MFSD2B: variants seen among roughly 807,000 people sequenced by gnomAD.
MFSD2B encodes MFSD2 lysolipid transporter B, sphingolipid.
Under a neutral mutation model 58.4 loss-of-function variants are expected in MFSD2B, and 56 were observed. The ratio of observed to expected loss-of-function variants is 0.96; its 90% CI spans 0.77 to 1.20. The LOEUF is 1.20. Ranked by LOEUF, MFSD2B falls within the 50% of genes most tolerant of loss-of-function variation. The pLI, the probability that MFSD2B is intolerant of heterozygous loss-of-function variation, is 0.00. For missense variants in MFSD2B, 645 were observed against 667.6 expected (o/e 0.97, Z 0.37); for synonymous variants, 287 against 294.4 (o/e 0.97, Z 0.26).
At chr2:24,014,051 C>T (rs1392171137) in intron 2 of MFSD2B, among the ~76,000 whole-genome samples, 3 of 150,900 alleles carry the variant, frequency 2.0e-5, no homozygotes, top group Non-Finnish European at 3.0e-5. Context: ...CTCGCTCTGT[C>T]ACCCAGGCTG....
chr2:24,012,166 ACACACACACAC>A lies in MFSD2B; in HGVS notation c.97-1118_97-1108del, dbSNP rs1558318730. Reference sequence around the variant, plus strand: ...AAACAAACAAAACACACACACACACACACACACACACACAAAAACAGACAAAAAAACCCTGC... The same window carrying A: ...AAACAAACAAAACACACACACACACAACAAAAACAGACAAAAAAACCCTGC... On this transcript the variant is annotated intron_variant, in intron 1 of 13. Coordinates refer to ENST00000338315, the MANE Select transcript of MFSD2B (RefSeq NM_001346880.2). The surrounding 1 kb of genome is among the most constrained non-coding windows in gnomAD (Gnocchi z 4.5). 4.2e-5 allele frequency among the ~76,000 whole-genome samples: 3 copies of A among 71,132 alleles called. No individual in the cohort carries two copies. The highest frequency in any genetic ancestry group is 1.1e-4 in the African/African-American group (3 of 28,268). 46.7% of individuals were successfully genotyped at this position (71,132 alleles called of 152,430 possible).
chr2:24,019,942 C>T (rs115165955), intron 6 of MFSD2B, among the ~76,000 whole-genome samples: 1,803 of 152,348 alleles, frequency 0.012, 21 homozygotes, highest in Non-Finnish European at 0.019. Flanking sequence ...CCTGCACTCA[C>T]ATCTGCGCCC....
chr2:24,025,039 C>T (rs1662929433), intron 13 of MFSD2B, among the ~76,000 whole-genome samples: 1 of 152,236 alleles, frequency 6.6e-6, no homozygotes, highest in African/African-American at 2.4e-5. Flanking sequence ...TGCAGCATCA[C>T]CACGTCTGGT....
At position 24,026,569 on chromosome 2, in the gene MFSD2B, T is replaced by C. The variant is rs1662984454; in HGVS notation, c.*1113T>C. 6.6e-6 allele frequency: 1 copy of C among 152,190 alleles called. No individual in the cohort carries two copies. The highest frequency in any genetic ancestry group is 2.4e-5 in the African/African-American group (1 of 41,446). 9.4% of individuals were successfully genotyped at this position (152,190 alleles called of 1,614,324 possible). A position where few individuals can be genotyped will look rare whatever the true frequency, so the allele number is the denominator to read the frequency against. ...AGCTCATCATCAATGATTTAATCAATTGTGCCCATGTAATGGAGCCTCCAC... is the reference window on the plus strand; with the variant it reads ...AGCTCATCATCAATGATTTAATCAACTGTGCCCATGTAATGGAGCCTCCAC... On this transcript the variant is annotated 3_prime_UTR_variant, in exon 14 of 14. Coordinates refer to ENST00000338315, the MANE Select transcript of MFSD2B (RefSeq NM_001346880.2).
At chr2:24,010,251 G>A (rs926555793) in intron 1 of MFSD2B, 59 bp downstream of exon 1, 15 of 1,239,944 alleles carry the variant, frequency 1.2e-5, no homozygotes, top group Non-Finnish European at 1.4e-5. Context: ...CCAGGGCGTC[G>A]CCTCGCAGCC....
chr2:24,011,739 GATAA>G (rs1294457080), intron 1 of MFSD2B, among the ~76,000 whole-genome samples: 1 of 152,210 alleles, frequency 6.6e-6, no homozygotes, highest in Non-Finnish European at 1.5e-5. Context: ...GAAACACCAT[GATAA>G]ATAAAAGGTG....
At position 24,026,161 on chromosome 2, in the gene MFSD2B, G is replaced by A. The variant is rs989222118; in HGVS notation, c.*705G>A. ...AGTAACAGGAAATTCACATTATGCT[G>A]TACTCATTCTCTAATATCACAGCCA... On this transcript the variant is annotated 3_prime_UTR_variant, in exon 14 of 14. Transcript: ENST00000338315. 6.6e-6 allele frequency: 1 copy of A among 152,284 alleles called. No homozygotes were observed. The highest frequency in any genetic ancestry group is 1.5e-5 in the Non-Finnish European group (1 of 68,146). 9.4% of individuals were successfully genotyped at this position (152,284 alleles called of 1,614,324 possible).
rs1662757461 is a variant in MFSD2B, at chr2:24,020,943, C to G, written c.682-705C>G. On this transcript the variant is annotated intron_variant, in intron 6 of 13. Transcript: ENST00000338315. This position sits in a 1 kb window ranked among gnomAD's most constrained non-coding sequence, Gnocchi z 4.1. Reference sequence around the variant, plus strand: ...TGAGAGTCTCGCTCTGTCGCTTAGGCTGGAGTGCAGTACTGTGATCTCGGC... The same window carrying G: ...TGAGAGTCTCGCTCTGTCGCTTAGGGTGGAGTGCAGTACTGTGATCTCGGC... Among the ~76,000 whole-genome samples, 2 of 151,984 alleles carry G rather than the reference C, an allele frequency of 1.3e-5. No homozygotes were observed. The highest frequency in any genetic ancestry group is 2.4e-5 in the African/African-American group (1 of 41,376).
chr2:24,017,171 C>A lies in MFSD2B; in HGVS notation c.472-115C>A. On this transcript the variant is annotated intron_variant, in intron 4 of 13. Coordinates refer to ENST00000338315, the MANE Select transcript of MFSD2B (RefSeq NM_001346880.2). This position sits in a 1 kb window ranked among gnomAD's most constrained non-coding sequence, Gnocchi z 4.8. ...CCTAGCTCCGACTTCAGGTGGCCAG[C>A]TGGGATATGTCACGTTGGCCTGTGG... is the stretch of plus-strand genomic sequence containing the variant. 7.7e-7 allele frequency: 1 copy of A among 1,302,232 alleles called. No homozygotes were observed. The highest frequency in any genetic ancestry group is 1.1e-6 in the Non-Finnish European group (1 of 944,692). The allele number at this position is 1,302,232 out of a possible 1,614,324, so 80.7% of individuals were successfully genotyped here. A position where few individuals can be genotyped will look rare whatever the true frequency, so the allele number is the denominator to read the frequency against.
At position 24,021,547 on chromosome 2, in the gene MFSD2B, C is replaced by T. The variant is rs113487227; in HGVS notation, c.682-101C>T. 9 of 1,093,896 alleles carry T rather than the reference C, an allele frequency of 8.2e-6. No homozygotes were observed. The highest frequency in any genetic ancestry group is 3.1e-5 in the African/African-American group (2 of 64,440). The allele number at this position is 1,093,896 out of a possible 1,614,324, so 67.8% of individuals were successfully genotyped here. A position where few individuals can be genotyped will look rare whatever the true frequency, so the allele number is the denominator to read the frequency against. On this transcript the variant is annotated intron_variant, in intron 6 of 13. Coordinates refer to ENST00000338315, the MANE Select transcript of MFSD2B (RefSeq NM_001346880.2). This position sits in a 1 kb window ranked among gnomAD's most constrained non-coding sequence, Gnocchi z 5.7. ...AGCGTCCTGGGCTTGGGTTGTGCCTCCCTCCGCTCCCACTGGGAGGCAGTA... is the reference window on the plus strand; with the variant it reads ...AGCGTCCTGGGCTTGGGTTGTGCCTTCCTCCGCTCCCACTGGGAGGCAGTA...
Position 24,022,757 on chromosome 2 carries a change from C to A in MFSD2B, c.979-65C>A. ...CAGGCATCCAATCTAAAAGCCAAGG[C>A]CTTGGGGTCCCAGGCAAAGGCGCTG... On this transcript the variant is annotated intron_variant, in intron 9 of 13. Transcript: ENST00000338315. This position sits in a 1 kb window ranked among gnomAD's most constrained non-coding sequence, Gnocchi z 4.5. The A allele has an allele frequency of 7.9e-7, 1 of 1,269,130 alleles. No individual in the cohort carries two copies. Among genetic ancestry groups the A allele is most frequent in the Non-Finnish European group, 1.1e-6 (1 of 930,134 alleles). The allele number at this position is 1,269,130 out of a possible 1,614,324, so 78.6% of individuals were successfully genotyped here.
chr2:24,023,304 C>A lies in MFSD2B; in HGVS notation c.1169+65C>A. 7.3e-7 allele frequency: 1 copy of A among 1,369,118 alleles called. No homozygotes were observed. The highest frequency in any genetic ancestry group is 1.0e-6 in the Non-Finnish European group (1 of 964,726). The allele number at this position is 1,369,118 out of a possible 1,614,324, so 84.8% of individuals were successfully genotyped here. ...GTGTCACCTCCTTCATGTAAACCTG[C>A]CGTCCCAGGCCCCCTGCACCCAGCC... On this transcript the variant is annotated intron_variant, in intron 11 of 13. Coordinates refer to ENST00000338315, the MANE Select transcript of MFSD2B (RefSeq NM_001346880.2). This position sits in a 1 kb window ranked among gnomAD's most constrained non-coding sequence, Gnocchi z 5.0.
chr2:24,023,668 GTCT>G lies in MFSD2B; in HGVS notation c.1261_1263del (p.Phe421del), dbSNP rs763246459. ...GGAGACCATCTTCTACTCCTCCTAC[GTCT>G]TCTTCACCAAGCTGTCTGGCGCATG... On this transcript the variant is annotated inframe_deletion, in exon 12 of 14. Transcript: ENST00000338315. The surrounding 1 kb of genome is among the most constrained non-coding windows in gnomAD (Gnocchi z 5.0). 6.2e-7 allele frequency: 1 copy of G among 1,613,932 alleles called. No homozygotes were observed. The highest frequency in any genetic ancestry group is 8.5e-7 in the Non-Finnish European group (1 of 1,179,848).
At chr2:24,018,717 GA>G (rs550408376) in intron 6 of MFSD2B, 4,024 of 147,628 alleles carry the variant, frequency 0.027, 2 homozygotes, top group East Asian at 0.093. Flanking sequence ...TCCTTTTCTG[GA>G]AAAAAAAAAA....
chr2:24,017,526 C>T lies in MFSD2B; in HGVS notation c.619C>T (p.His207Tyr), dbSNP rs1377624089. The T allele has an allele frequency of 4.4e-6, 7 of 1,579,098 alleles. No homozygotes were observed. The highest frequency in any genetic ancestry group is 2.3e-5 in the South Asian group (2 of 86,276). ...TVHGLIVSGA[H>Y]RPHRCEATAT... Reference sequence around the variant, plus strand: ...CCACGGGCTCATCGTGTCCGGCGCCCACAGACCCCACAGGTGCGAGGCCAC... The same window carrying T: ...CCACGGGCTCATCGTGTCCGGCGCCTACAGACCCCACAGGTGCGAGGCCAC... The change falls in exon 6 of 14, where the codon CAC (histidine) becomes TAC (tyrosine). Residue 207 changes from histidine (H) to tyrosine (Y), a missense_variant. His to Tyr is a moderately conservative substitution (Grantham distance 83). Coordinates refer to ENST00000338315, the MANE Select transcript of MFSD2B (RefSeq NM_001346880.2). The surrounding 1 kb of genome is among the most constrained non-coding windows in gnomAD (Gnocchi z 4.8).
At position 24,015,761 on chromosome 2, in the gene MFSD2B, C is replaced by G. The variant is rs549127443; in HGVS notation, c.223-395C>G. ...ACCTCTGTCAGCCCAGAGGCACCCT[C>G]CTTGCTCTGAGCCAGAATGTTTTTC... is the stretch of plus-strand genomic sequence containing the variant. On this transcript the variant is annotated intron_variant, in intron 2 of 13. Transcript: ENST00000338315. Among the ~76,000 whole-genome samples, 498 of 152,170 alleles carry G rather than the reference C, an allele frequency of 3.3e-3. 2 individuals carry two copies. Among genetic ancestry groups the G allele is most frequent in the African/African-American group, 0.011 (473 of 41,488 alleles).
At position 24,011,815 on chromosome 2, in the gene MFSD2B, T is replaced by C. The variant is rs368646174; in HGVS notation, c.97-1470T>C. ...GAGAGGCAGGAACTAAATGAAAATA[T>C]AGCAGGCGGTAAGTACAACTGAGAG... On this transcript the variant is annotated intron_variant, in intron 1 of 13. Coordinates refer to ENST00000338315, the MANE Select transcript of MFSD2B (RefSeq NM_001346880.2). Among the ~76,000 whole-genome samples, 53 of 152,270 alleles carry C rather than the reference T, an allele frequency of 3.5e-4. No homozygotes were observed. In the South Asian group the frequency reaches 0.011, roughly 30 times the overall value.
chr2:24,013,399 G>T lies in MFSD2B; in HGVS notation c.211G>T (p.Asp71Tyr). ...CTTTTACCTGCAGCTTTTCCTGCTT[G>T]ATATAGCACAGGTAAGTGTGGGCAG... Reference protein sequence around the residue: ...TAFYLQLFLLDIAQIPAAQVS... With the variant: ...TAFYLQLFLLYIAQIPAAQVS... Residue 71 changes from aspartate (D) to tyrosine (Y), a missense_variant, in exon 2 of 14, where the codon GAT (aspartate) becomes TAT (tyrosine). Asp to Tyr is a radical substitution (Grantham distance 160). Coordinates refer to ENST00000338315, the MANE Select transcript of MFSD2B (RefSeq NM_001346880.2). The T allele has an allele frequency of 6.2e-7, 1 of 1,607,438 alleles. No individual in the cohort carries two copies. Among genetic ancestry groups the T allele is most frequent in the Non-Finnish European group, 8.5e-7 (1 of 1,176,896 alleles).
At chr2:24,010,214 G>T in intron 1 of MFSD2B, 22 bp downstream of exon 1, 2 of 1,364,152 alleles carry the variant, frequency 1.5e-6, no homozygotes, top group South Asian at 1.7e-5. Context: ...GGCGGGGACC[G>T]GGAAGGGGCT....
Sources: gnomAD v4.1 joint callset for allele counts (sites outside exome capture counted in the v4.1 genomes callset) on GRCh38, gnomAD v4.1.1 for gene constraint, Gnocchi (gnomAD v3.1) non-coding constraint, MANE v1.5 for transcripts, NCBI Gene and HGNC (gene_info 2026-07-23, HGNC 2026-07-21) for gene names.